IGSF5: variants seen among roughly 807,000 people sequenced by gnomAD.
IGSF5 encodes the protein immunoglobulin superfamily member 5, also known as immunoglobulin superfamily 5 like.
A neutral mutation model predicts 39.4 loss-of-function variants in IGSF5; 41 were observed. That is an observed-to-expected ratio of 1.04 (90% CI 0.81 to 1.35). IGSF5 has a LOEUF of 1.35. IGSF5 is among the 40% of genes most tolerant of loss of function. IGSF5 has a pLI of 0.00. For synonymous variants in IGSF5, 183 were observed against 175.3 expected, an observed-to-expected ratio of 1.04 and a Z score of -0.34; for missense variants, 487 against 494.6, an observed-to-expected ratio of 0.98 and a Z score of 0.15.
At chr21:39,797,609 T>G (rs912321279) in intron 8 of IGSF5, among the ~76,000 whole-genome samples, 7 of 152,176 alleles carry the variant, frequency 4.6e-5, no homozygotes, top group Non-Finnish European at 7.4e-5. Context: ...CTCGTACTCC[T>G]GGGCTCAAGG....
chr21:39,792,081 G>C lies in IGSF5; in HGVS notation c.1030G>C (p.Asp344His), dbSNP rs2086968852. 6.2e-7 allele frequency: 1 copy of C among 1,609,666 alleles called. No homozygotes were observed. The highest frequency in any genetic ancestry group is 1.1e-5 in the South Asian group (1 of 90,180). ...AAATGAAAACTCCGGCTACAATTCAGATGAACAAAAGACCACAGGTGAGTA... is the reference window on the plus strand; with the variant it reads ...AAATGAAAACTCCGGCTACAATTCACATGAACAAAAGACCACAGGTGAGTA... ...SGNENSGYNS[D>H]EQKTTDTASL... The change falls in exon 7 of 9, where the codon GAT becomes CAT. Residue 344 changes from aspartate (D) to histidine (H), a missense_variant. Transcript: ENST00000380588.
intron 8 of IGSF5, among the ~76,000 whole-genome samples, chr21:39,795,855 G>T (rs1026443409): frequency 6.6e-6 from 1 of 151,996 alleles, no homozygotes; most frequent in Non-Finnish European, 1.5e-5. Context: ...GAGCACCAAG[G>T]CCCTTAAGAA....
At chr21:39,738,496 A>C in the IGSF5 span, among the ~76,000 whole-genome samples, 1 of 152,204 alleles carries the variant, frequency 6.6e-6, no homozygotes, top group Non-Finnish European at 1.5e-5. This position sits in a 1 kb window ranked among gnomAD's most constrained non-coding sequence, Gnocchi z 6.4. Context: ...AAGTGACAAA[A>C]CATAGAGTCA....
rs1601142382 is a variant in IGSF5, at chr21:39,792,109, C to T, written c.1048+10C>T. The stretch of plus-strand genomic sequence containing the variant: ...GAACAAAAGACCACAGGTGAGTAGA[C>T]AAGAGGGGTGGTGAAAAGACCTGGG... On this transcript the variant is annotated intron_variant, in intron 7 of 8. Transcript: ENST00000380588. 1 of 1,581,144 alleles carries T rather than the reference C, an allele frequency of 6.3e-7. No individual in the cohort carries two copies. Among genetic ancestry groups the T allele is most frequent in the Admixed American group, 1.7e-5 (1 of 58,514 alleles).
intron 6 of IGSF5, among the ~76,000 whole-genome samples, chr21:39,789,257 G>T (rs1024923448): frequency 2.6e-5 from 4 of 152,180 alleles, no homozygotes; most frequent in African/African-American, 9.7e-5. Context: ...GTGATCAATA[G>T]CTACTCAGGA....
At position 39,770,236 on chromosome 21, in the gene IGSF5, T is replaced by C. The variant is rs1050020180; in HGVS notation, c.419-680T>C. Among the ~76,000 whole-genome samples the C allele has an allele frequency of 3.9e-4, 60 of 152,038 alleles. 1 individual carries two copies. Among genetic ancestry groups the C allele is most frequent in the African/African-American group, 1.3e-3 (52 of 41,458 alleles). Reference sequence around the variant, plus strand: ...CAAGTACTATTTTCATATGGGTTGTTTGCAGTATGAATGCTGACCTATGCG... The same window carrying C: ...CAAGTACTATTTTCATATGGGTTGTCTGCAGTATGAATGCTGACCTATGCG... On this transcript the variant is annotated intron_variant, in intron 3 of 8. Transcript: ENST00000380588.
intron 6 of IGSF5, among the ~76,000 whole-genome samples, chr21:39,790,923 A>G (rs2086960438): frequency 6.6e-6 from 1 of 152,268 alleles, no homozygotes; most frequent in Non-Finnish European, 1.5e-5. Context: ...ATTAGGTATT[A>G]TAAATAATCT....
chr21:39,744,127 G>A (rs1424482577), upstream of IGSF5, among the ~76,000 whole-genome samples: 4 of 152,108 alleles, frequency 2.6e-5, no homozygotes, highest in African/African-American at 9.7e-5. Context: ...TACACTCACC[G>A]ATGTAGCAGT....
intron 8 of IGSF5, among the ~76,000 whole-genome samples, chr21:39,794,486 A>G (rs1048556574): frequency 2.6e-5 from 4 of 152,232 alleles, no homozygotes; most frequent in African/African-American, 9.6e-5. Flanking sequence ...CACTGAGAAC[A>G]TAGTATGTTA....
chr21:39,794,885 C>T (rs2086986502), intron 8 of IGSF5, among the ~76,000 whole-genome samples: 1 of 152,070 alleles, frequency 6.6e-6, no homozygotes, highest in South Asian at 2.1e-4. Flanking sequence ...CAATAATATT[C>T]CTCCCTGCAA....
chr21:39,733,826 C>CT, the IGSF5 span, among the ~76,000 whole-genome samples: 2 of 152,160 alleles, frequency 1.3e-5, no homozygotes, highest in South Asian at 2.1e-4. Flanking sequence ...TAATCTCTGC[C>CT]TTTTTTGTTA....
At chr21:39,733,467 A>T in the IGSF5 span, among the ~76,000 whole-genome samples, 1 of 152,230 alleles carries the variant, frequency 6.6e-6, no homozygotes, top group East Asian at 1.9e-4. Flanking sequence ...GTTTAATAAT[A>T]GTTCTTTAAA....
the IGSF5 span, among the ~76,000 whole-genome samples, chr21:39,726,605 G>A: frequency 1.3e-5 from 2 of 152,228 alleles, no homozygotes; most frequent in Non-Finnish European, 2.9e-5. Context: ...TGCCTCCACT[G>A]TGTCTGTCCT....
upstream of IGSF5, among the ~76,000 whole-genome samples, chr21:39,744,487 C>G (rs1357353447): frequency 6.6e-6 from 1 of 152,232 alleles, no homozygotes; most frequent in Non-Finnish European, 1.5e-5. Flanking sequence ...TCTGCTTCCA[C>G]AAGAGTCTCC....
chr21:39,772,952 AC>A (rs1201435814), intron 4 of IGSF5, among the ~76,000 whole-genome samples: 1 of 152,236 alleles, frequency 6.6e-6, no homozygotes, highest in East Asian at 1.9e-4. Flanking sequence ...TTTACCCACA[AC>A]CTTTCACCTA....
At chr21:39,723,277 C>A in the IGSF5 span, among the ~76,000 whole-genome samples, 1 of 152,202 alleles carries the variant, frequency 6.6e-6, no homozygotes, top group Non-Finnish European at 1.5e-5. Flanking sequence ...GCTGAAGTTT[C>A]TAGCTGGCTG....
chr21:39,789,848 G>T lies in IGSF5; in HGVS notation c.956+1660G>T, dbSNP rs560225698. On this transcript the variant is annotated intron_variant, in intron 6 of 8. Transcript: ENST00000380588. ...GGATTATAGTAACCATTAATTCATA[G>T]CTTGCTCTTTTCACTTTGCACATTC... Among the ~76,000 whole-genome samples the T allele has an allele frequency of 3.3e-5, 5 of 152,278 alleles. No homozygotes were observed. In the South Asian group the frequency reaches 1.0e-3, roughly 32 times the overall value.
At chr21:39,713,367 G>A in the IGSF5 span, among the ~76,000 whole-genome samples, 1 of 152,216 alleles carries the variant, frequency 6.6e-6, no homozygotes, top group Non-Finnish European at 1.5e-5. Context: ...GTCATGGTGG[G>A]CTGGCTGCAT....
chr21:39,711,830 A>G, the IGSF5 span, among the ~76,000 whole-genome samples: 28 of 152,030 alleles, frequency 1.8e-4, 1 homozygote, highest in Non-Finnish European at 3.7e-4. Context: ...ACTGCACCCC[A>G]CCAGAAGCCT....
Sources: allele counts gnomAD v4.1 joint callset (sites outside exome capture counted in the v4.1 genomes callset), GRCh38; gene constraint gnomAD v4.1.1; non-coding constraint Gnocchi (gnomAD v3.1); transcripts MANE v1.5; gene names NCBI Gene and HGNC (gene_info 2026-07-23, HGNC 2026-07-21).